USP36: variants seen among roughly 807,000 people sequenced by gnomAD.
The protein encoded by USP36 is ubiquitin specific peptidase 36.
Under a neutral mutation model 111.5 loss-of-function variants are expected in USP36, and 59 were observed. That is an observed-to-expected ratio of 0.53 (90% confidence interval 0.43 to 0.66). The LOEUF is 0.66. USP36 is among the 30% of genes least tolerant of loss of function. The probability of loss-of-function intolerance (pLI) is 0.00; values close to 1 mark genes in which losing one functional copy is unlikely to be tolerated. For synonymous variants in USP36, 628 were observed against 581.0 expected, an observed-to-expected ratio of 1.08 and a Z score of -1.16; for missense variants, 1,488 against 1,468.0, an observed-to-expected ratio of 1.01 and a Z score of -0.22.
intron 2 of USP36, among the ~76,000 whole-genome samples, 179 bp from the exon 3 acceptor site, chr17:78,836,551 A>C (rs1373480882): frequency 1.3e-5 from 2 of 152,134 alleles, no homozygotes; most frequent in Non-Finnish European, 2.9e-5. Context: ...AATCACTTGG[A>C]CATATTAGTT....
At position 78,807,122 on chromosome 17, in the gene USP36, T is replaced by C; in HGVS notation, c.1922A>G (p.Gln641Arg). 2.5e-6 allele frequency: 4 copies of C among 1,614,164 alleles called. No individual in the cohort carries two copies. The highest frequency in any genetic ancestry group is 2.2e-5 in the East Asian group (1 of 44,870). The change falls in exon 14 of 21, where the codon CAG becomes CGG. Residue 641 changes from glutamine (Q) to arginine (R), a missense_variant. Transcript: ENST00000449938. ...RSGAAHLCDS[Q>R]ETNCSTAGHS... is the part of the protein sequence containing the mutation. ...GCCAGCGGTGGAACAGTTCGTTTCC[T>C]GAGAATCGCAGAGATGGGCCGCTCC...
In USP36 at chr17:78,806,291, A is replaced by G; in HGVS notation, c.2086-5T>C. ...CGCCCTCCACAGGGTGCTGGCCTGC[A>G]GTTATCGACATAAATAAAAACTTGG... On this transcript the variant is annotated splice_region_variant and splice_polypyrimidine_tract_variant and intron_variant, in intron 14 of 20. Transcript: ENST00000449938. 1.2e-6 allele frequency: 2 copies of G among 1,613,778 alleles called. No individual in the cohort carries two copies. The highest frequency in any genetic ancestry group is 2.2e-5 in the East Asian group (1 of 44,882).
At chr17:78,802,234 AACCCCTCGCCCGGTGCACACCCATGC>A in intron 17 of USP36, 64 bp downstream of exon 17, 3 of 696,304 alleles carry the variant, frequency 4.3e-6, no homozygotes, top group Admixed American at 4.9e-5. Flanking sequence ...GCGGTCCCCC[AACCCCTCGCCCGGTGCACACCCATGC>A]GGTCCCCCAA....
intron 17 of USP36, among the ~76,000 whole-genome samples, chr17:78,800,719 G>A (rs1714360387): frequency 6.6e-6 from 1 of 152,186 alleles, no homozygotes; most frequent in South Asian, 2.1e-4. Context: ...ACTCTCCTCA[G>A]GTGCACAGGA....
rs560889295 is a variant in USP36, at chr17:78,802,178, C to T, written c.3022+146G>A. The T allele has an allele frequency of 2.8e-4, 255 of 922,094 alleles. 1 individual carries two copies. The African/African-American group carries it at 4.1e-3, about 15-fold the overall frequency. 57.1% of individuals were successfully genotyped at this position (922,094 alleles called of 1,614,324 possible). On this transcript the variant is annotated intron_variant, in intron 17 of 20. Transcript: ENST00000449938. ...CCACGCGGTCCCCCACCCCCTCGCCCGGTGCACACCCACGCGGTCCAACCC... is the reference window on the plus strand; with the variant it reads ...CCACGCGGTCCCCCACCCCCTCGCCTGGTGCACACCCACGCGGTCCAACCC...
intron 9 of USP36, chr17:78,819,032 G>T: frequency 3.2e-6 from 1 of 312,666 alleles, no homozygotes; most frequent in Non-Finnish European, 6.1e-6. Context: ...TACCCACCAG[G>T]AAACTAAATA....
intron 8 of USP36, among the ~76,000 whole-genome samples, chr17:78,820,250 G>A (rs2094287093): frequency 6.6e-6 from 1 of 152,200 alleles, no homozygotes; most frequent in Non-Finnish European, 1.5e-5. Context: ...CGGGGCAGGA[G>A]GATCATTGAG....
At chr17:78,794,868 G>A (rs913138186), downstream of USP36, among the ~76,000 whole-genome samples, 3 of 151,958 alleles carry the variant, frequency 2.0e-5, no homozygotes, top group Admixed American at 6.6e-5. Context: ...TTAGTCAGGC[G>A]TGGTGATGCG....
At chr17:78,799,161 G>C (rs2093681207) in intron 18 of USP36, 138 bp from the exon 19 acceptor site, 5 of 839,496 alleles carry the variant, frequency 6.0e-6, no homozygotes, top group Non-Finnish European at 5.8e-6. Context: ...TGAAGAGAAG[G>C]ACAAGAGGAG....
chr17:78,806,210 G>A lies in USP36; in HGVS notation c.2162C>T (p.Pro721Leu). 1 of 1,613,502 alleles carries A rather than the reference G, an allele frequency of 6.2e-7. No individual in the cohort carries two copies. Among genetic ancestry groups the A allele is most frequent in the Non-Finnish European group, 8.5e-7 (1 of 1,179,896 alleles). ...AACGACGGGGTGAGAGGTTTTCATG[G>A]GGTGGGTGAGGTCGGAGGATGGTGA... The part of the protein sequence containing the change: ...PPSPSSDLTH[P>L]MKTSHPVVAS... The change falls in exon 15 of 21, where the codon CCC (proline) becomes CTC (leucine). Residue 721 changes from proline (P) to leucine (L), a missense_variant. Pro to Leu is a moderately conservative substitution (Grantham distance 98). This residue lies in a region of USP36 where 1,073 missense variants were observed against 994.1 expected (regional missense o/e 1.08). Coordinates refer to ENST00000449938, the MANE Select transcript of USP36 (RefSeq NM_001385174.1).
At chr17:78,830,921 T>A (rs1027435873) in intron 4 of USP36, among the ~76,000 whole-genome samples, 2 of 151,780 alleles carry the variant, frequency 1.3e-5, no homozygotes, top group East Asian at 1.9e-4. Context: ...TAGGCAAAAA[T>A]TATGTCATTT....
rs199789383 is a variant in USP36, at chr17:78,802,526, G to A, written c.2820C>T (p.Pro940=). The A allele has an allele frequency of 6.8e-4, 1,085 of 1,605,134 alleles. 17 individuals carry two copies. The South Asian group carries it at 0.011, about 17-fold the overall frequency. The change falls in exon 17 of 21, where the codon CCC becomes CCT. Residue 940 remains proline (P), a synonymous_variant. Transcript: ENST00000449938. The part of the protein sequence containing the change: ...HQDPLRHSCS[P]MGDGDPEAME... ...TGGCCTCTGGATCACCATCACCCAT[G>A]GGAGAGCAGCTGCTTGGAAGTGAGA...
Position 78,828,924 on chromosome 17 carries a change from G to A in USP36, c.559C>T (p.Pro187Ser). 6.2e-7 allele frequency: 1 copy of A among 1,614,222 alleles called. No individual in the cohort carries two copies. The highest frequency in any genetic ancestry group is 8.5e-7 in the Non-Finnish European group (1 of 1,180,036). Residue 187 changes from proline (P) to serine (S), a missense_variant, in exon 5 of 21, where the codon CCC becomes TCC. Physicochemically the swap from Pro to Ser is moderately conservative, Grantham distance 74. Coordinates refer to ENST00000449938, the MANE Select transcript of USP36 (RefSeq NM_001385174.1). ...AFANSGNAIKPVSFIRDLKKI... is the reference protein window; with the variant it reads ...AFANSGNAIKSVSFIRDLKKI... The stretch of plus-strand genomic sequence containing the variant: ...TTCAGGTCTCGGATGAAGGAGACGG[G>A]CTTGATGGCGTTGCCGCTGTTGGCG...
chr17:78,823,051 C>T (rs1463238088), intron 6 of USP36: 2 of 398,516 alleles, frequency 5.0e-6, no homozygotes, highest in Non-Finnish European at 8.8e-6. Flanking sequence ...CCGCAGGCTA[C>T]ACTTCCCCTC....
At chr17:78,791,600 G>A (rs1401996632), downstream of USP36, among the ~76,000 whole-genome samples, 1 of 152,136 alleles carries the variant, frequency 6.6e-6, no homozygotes, top group East Asian at 1.9e-4. Context: ...CTCTCACAGG[G>A]CAATTTCCTC....
chr17:78,809,078 T>C (rs750574485), intron 13 of USP36, among the ~76,000 whole-genome samples: 9 of 152,254 alleles, frequency 5.9e-5, no homozygotes, highest in Admixed American at 2.6e-4. Flanking sequence ...TTAACATTCA[T>C]ATTCTCTGCA....
At chr17:78,838,158 G>C (rs2068853980) in intron 2 of USP36, among the ~76,000 whole-genome samples, 1 of 151,658 alleles carries the variant, frequency 6.6e-6, no homozygotes, top group African/African-American at 2.4e-5. Context: ...GAGACGGGTG[G>C]ATCAGGAGGT....
At chr17:78,815,712 A>C (rs1353916244) in intron 10 of USP36, among the ~76,000 whole-genome samples, 7 of 152,252 alleles carry the variant, frequency 4.6e-5, no homozygotes, top group Non-Finnish European at 2.9e-5. Context: ...TTTCATAGAA[A>C]AAAATACACG....
chr17:78,799,579 A>T (rs1435002415), intron 18 of USP36, 88 bp downstream of exon 18: 1 of 1,203,060 alleles, frequency 8.3e-7, no homozygotes, highest in Non-Finnish European at 1.2e-6. Context: ...CGCCACACTC[A>T]CAGTGCACCA....
Sources: gnomAD v4.1 joint callset for allele counts (sites outside exome capture counted in the v4.1 genomes callset) on GRCh38, gnomAD v4.1.1 for gene constraint, gnomAD v4.1.1 regional missense constraint, MANE v1.5 for transcripts, NCBI Gene and HGNC (gene_info 2026-07-23, HGNC 2026-07-21) for gene names.